SLC25A25: variants seen among roughly 807,000 people sequenced by gnomAD.
SLC25A25 encodes mitochondrial adenyl nucleotide antiporter SLC25A25.
A neutral mutation model predicts 57.7 loss-of-function variants in SLC25A25; 32 were observed. The ratio of observed to expected loss-of-function variants is 0.55; its 90% CI spans 0.42 to 0.74. The LOEUF (loss-of-function observed/expected upper bound fraction) is 0.74, where lower values mean the gene tolerates loss of function less well. SLC25A25 is among the 30% of genes least tolerant of loss of function. The pLI is 0.00. For missense variants in SLC25A25, 556 were observed against 701.3 expected, an observed-to-expected ratio of 0.79 and a Z score of 2.34; for synonymous variants, 306 against 291.2, an observed-to-expected ratio of 1.05 and a Z score of -0.52.
Position 128,107,817 on chromosome 9 carries a change from C to T in SLC25A25, c.*373C>T, listed in dbSNP as rs1476240353. 4 of 406,416 alleles carry T rather than the reference C, an allele frequency of 9.8e-6. No individual in the cohort carries two copies. The Middle Eastern group carries it at 1.9e-3, about 191-fold the overall frequency. 25.2% of individuals were successfully genotyped at this position (406,416 alleles called of 1,614,324 possible). On this transcript the variant is annotated 3_prime_UTR_variant, in exon 11 of 11. Transcript: ENST00000373069. ...AGCCAGCTGTTGGCCACGGCCCCTG[C>T]CCTCTGGTCTGCCGTGCATCTCCCT...
At chr9:128,076,720 A>AG (rs1279569781) in intron 1 of SLC25A25, among the ~76,000 whole-genome samples, 2 of 151,604 alleles carry the variant, frequency 1.3e-5, no homozygotes, top group Non-Finnish European at 2.9e-5. Flanking sequence ...CACCCGCCTC[A>AG]GCCTCCCGAA....
At position 128,107,030 on chromosome 9, in the gene SLC25A25, C is replaced by T. The variant is rs1026958339; in HGVS notation, c.1214C>T (p.Thr405Met). 6 of 1,613,644 alleles carry T rather than the reference C, an allele frequency of 3.7e-6. No homozygotes were observed. The highest frequency in any genetic ancestry group is 5.1e-6 in the Non-Finnish European group (6 of 1,179,700). ...TCCCATGCTCCCTTCTCCTTCTAGACGCTCAAGAATGCCTGGCTGCAGCAC... is the reference window on the plus strand; with the variant it reads ...TCCCATGCTCCCTTCTCCTTCTAGATGCTCAAGAATGCCTGGCTGCAGCAC... ...YAGIDLAVYE[T>M]LKNAWLQHYA... Residue 405 changes from threonine to methionine, a missense_variant and splice_region_variant, in exon 10 of 11, where the codon ACG becomes ATG. By Grantham distance (81) the Thr-to-Met change is moderately conservative. Transcript: ENST00000373069.
chr9:128,091,753 C>T (rs1833412375), intron 1 of SLC25A25: 6 of 1,480,286 alleles, frequency 4.1e-6, no homozygotes, highest in Non-Finnish European at 5.3e-6. Flanking sequence ...GCAGAGCTTC[C>T]AGCCTGAGAA....
At chr9:128,080,137 A>G (rs1253542198) in intron 1 of SLC25A25, among the ~76,000 whole-genome samples, 4 of 151,570 alleles carry the variant, frequency 2.6e-5, no homozygotes, top group Non-Finnish European at 5.9e-5. Flanking sequence ...AAGCTGAGGC[A>G]GGTGAATCAC....
chr9:128,098,295 G>A (rs1340703738), intron 1 of SLC25A25: 3 of 347,626 alleles, frequency 8.6e-6, no homozygotes, highest in African/African-American at 6.4e-5. Context: ...GTTAACTGCA[G>A]GGAGGGAGCG....
At chr9:128,104,835 ATTATT>A (rs1833949882) in intron 6 of SLC25A25, among the ~76,000 whole-genome samples, 1 of 1,188 alleles carries the variant, frequency 8.4e-4, no homozygotes, top group Non-Finnish European at 0.031. Flanking sequence ...TTTAAAAATT[ATTATT>A]ATTATTATTA....
intron 1 of SLC25A25, chr9:128,098,514 A>G: frequency 6.4e-7 from 1 of 1,566,200 alleles, no homozygotes; most frequent in Admixed American, 1.8e-5. Flanking sequence ...GGCAGCATTT[A>G]GGGAACTTGC....
chr9:128,100,278 G>A (rs563204160), intron 1 of SLC25A25, among the ~76,000 whole-genome samples: 1 of 152,098 alleles, frequency 6.6e-6, no homozygotes, highest in African/African-American at 2.4e-5. Context: ...GTGTGCTCTC[G>A]TGGAGCTGTC....
rs142703551 is a variant in SLC25A25 at position 128,102,394 on chromosome 9, C to G, written c.537C>G (p.Thr179=). 2,838 of 1,613,994 alleles carry G rather than the reference C, an allele frequency of 1.8e-3. 13 individuals are homozygous for G. Among genetic ancestry groups the G allele is most frequent in the Non-Finnish European group, 1.9e-3 (2,246 of 1,179,944 alleles). Residue 179 remains threonine (T), a synonymous_variant, in exon 5 of 11, where the codon ACC becomes ACG. Transcript: ENST00000373069. This position sits in a 1 kb window ranked among gnomAD's most constrained non-coding sequence, Gnocchi z 4.1. ...VTYMDKNGTM[T]IDWNEWRDYH... is the part of the protein sequence containing the mutation. ...GCATGGATAAAAACGGCACGATGAC[C>G]ATTGACTGGAACGAGTGGAGAGACT... is the stretch of plus-strand genomic sequence containing the variant.
At position 128,076,363 on chromosome 9, in the gene SLC25A25, G is replaced by C. The variant is rs185040619; in HGVS notation, c.261+7783G>C. On this transcript the variant is annotated intron_variant, in intron 1 of 10. Transcript: ENST00000373069. ...TCAGGCTGGTCTCGAACTCCTGAAC[G>C]CATGTGATCCTCTCGCCTTGGCCTC... Among the ~76,000 whole-genome samples, 634 of 152,116 alleles carry C rather than the reference G, an allele frequency of 4.2e-3. 5 individuals carry two copies. The highest frequency in any genetic ancestry group is 0.013 in the Admixed American group (196 of 15,252).
In SLC25A25 at chr9:128,102,233, T is replaced by A. The variant is rs1833830050; in HGVS notation, c.512+118T>A. 1 of 1,416,056 alleles carries A rather than the reference T, an allele frequency of 7.1e-7. No homozygotes were observed. The highest frequency in any genetic ancestry group is 1.2e-5 in the South Asian group (1 of 81,690). 87.7% of individuals were successfully genotyped at this position (1,416,056 alleles called of 1,614,324 possible). A position where few individuals can be genotyped will look rare whatever the true frequency, so the allele number is the denominator to read the frequency against. Reference sequence around the variant, plus strand: ...CTAAGTGGGGTGTGGAGCCCCCTGCTCTTTCTCCTGGGGGCAGAGGCACCT... The same window carrying A: ...CTAAGTGGGGTGTGGAGCCCCCTGCACTTTCTCCTGGGGGCAGAGGCACCT... On this transcript the variant is annotated intron_variant, in intron 4 of 10. Transcript: ENST00000373069. The surrounding 1 kb of genome is among the most constrained non-coding windows in gnomAD (Gnocchi z 4.1).
intron 1 of SLC25A25, among the ~76,000 whole-genome samples, chr9:128,070,969 A>AAAAAAG (rs1564175718): frequency 3.8e-5 from 5 of 131,154 alleles, no homozygotes; most frequent in Non-Finnish European, 8.4e-5. Context: ...AAAAAAAAAA[A>AAAAAAG]AAAAGAAAGA....
chr9:128,106,805 C>G (rs947361308), intron 9 of SLC25A25, among the ~76,000 whole-genome samples: 1 of 152,160 alleles, frequency 6.6e-6, no homozygotes, highest in East Asian at 1.9e-4. Context: ...ACACTCTAGA[C>G]AGACCCCAGA....
At position 128,099,526 on chromosome 9, in the gene SLC25A25, AT is replaced by A; in HGVS notation, c.262-1567del. 1 of 556,236 alleles carries A rather than the reference AT, an allele frequency of 1.8e-6. No homozygotes were observed. The highest frequency in any genetic ancestry group is 2.5e-6 in the Non-Finnish European group (1 of 394,940). 34.5% of individuals were successfully genotyped at this position (556,236 alleles called of 1,614,324 possible). On this transcript the variant is annotated intron_variant, in intron 1 of 10. Coordinates refer to ENST00000373069, the MANE Select transcript of SLC25A25 (RefSeq NM_001330988.2). The surrounding 1 kb of genome is among the most constrained non-coding windows in gnomAD (Gnocchi z 6.8). ...CCTGCCTAAATGGCTTGTCCACTCT[AT>A]TTCCATTCCTGTTAGAGATTTGGAG...
chr9:128,089,224 G>T (rs1414601617), intron 1 of SLC25A25, among the ~76,000 whole-genome samples: 2 of 152,074 alleles, frequency 1.3e-5, no homozygotes, highest in African/African-American at 2.4e-5. Context: ...GTTTTTGGCT[G>T]TGGACTGGCT....
intron 1 of SLC25A25, among the ~76,000 whole-genome samples, chr9:128,077,983 G>A (rs1220509875): frequency 1.3e-5 from 2 of 151,012 alleles, no homozygotes; most frequent in African/African-American, 2.4e-5. Context: ...CCGAGACTGC[G>A]CCACTGCACT....
At chr9:128,098,458 A>G in intron 1 of SLC25A25, 1 of 1,485,258 alleles carries the variant, frequency 6.7e-7, no homozygotes, top group Non-Finnish European at 8.9e-7. Context: ...TTAAGCAGCC[A>G]ATGACAGCTG....
At chr9:128,086,553 G>C (rs1010566071) in intron 1 of SLC25A25, among the ~76,000 whole-genome samples, 1 of 152,046 alleles carries the variant, frequency 6.6e-6, no homozygotes, top group East Asian at 1.9e-4. Context: ...GGCTGGTCTC[G>C]AACTCCCGAC....
At chr9:128,096,654 A>AT (rs1833567131) in intron 1 of SLC25A25, among the ~76,000 whole-genome samples, 1 of 152,210 alleles carries the variant, frequency 6.6e-6, no homozygotes, top group African/African-American at 2.4e-5. Context: ...CCCTGAGCTA[A>AT]TTCACTCATT....
Sources: allele counts gnomAD v4.1 joint callset (sites outside exome capture counted in the v4.1 genomes callset), GRCh38; gene constraint gnomAD v4.1.1; non-coding constraint Gnocchi (gnomAD v3.1); transcripts MANE v1.5; gene names NCBI Gene and HGNC (gene_info 2026-07-23, HGNC 2026-07-21).